Variants in OTOF observed in about 807,000 individuals in gnomAD.
OTOF encodes the protein otoferlin.
In OTOF, 218 loss-of-function variants were observed where a neutral mutation model predicts 236.8. That is an observed-to-expected ratio of 0.92 (90% CI 0.82 to 1.03). The LOEUF (loss-of-function observed/expected upper bound fraction) is 1.03. Ranked by LOEUF, OTOF falls within the 50% of genes least tolerant of loss-of-function variation. OTOF has a pLI of 0.00. For missense variants in OTOF, 2,590 were observed against 2,694.4 expected, an observed-to-expected ratio of 0.96 and a Z score of 0.86; for synonymous variants, 1,041 against 1,072.5, an observed-to-expected ratio of 0.97 and a Z score of 0.57.
chr2:26,461,907 C>T lies in OTOF; in HGVS notation c.5322G>A (p.Gln1774=), dbSNP rs762085694. Residue 1774 remains glutamine, a synonymous_variant, in exon 43 of 47, where the codon CAG becomes CAA. Transcript: ENST00000272371. This position sits in a 1 kb window ranked among gnomAD's most constrained non-coding sequence, Gnocchi z 6.2. ...GGGAGTGGTAGTGGACGTCTGTGTCCTGCTTGTCCTCCTGCTGGCCCTTCA... is the reference window on the plus strand; with the variant it reads ...GGGAGTGGTAGTGGACGTCTGTGTCTTGCTTGTCCTCCTGCTGGCCCTTCA... The part of the protein sequence containing the change: ...GWLKGQQEDK[Q]DTDVHYHSLT... 2 of 1,613,984 alleles carry T rather than the reference C, an allele frequency of 1.2e-6. No individual in the cohort carries two copies. Among genetic ancestry groups the T allele is most frequent in the African/African-American group, 1.3e-5 (1 of 74,880 alleles).
intron 8 of OTOF, among the ~76,000 whole-genome samples, chr2:26,500,376 C>T (rs572685095): frequency 8.5e-5 from 13 of 152,314 alleles, no homozygotes; most frequent in Non-Finnish European, 1.2e-4. Context: ...AATAATGACT[C>T]TATTTTTGAT....
In OTOF at chr2:26,479,326, A is replaced by G; in HGVS notation, c.2152T>C (p.Trp718Arg). The G allele has an allele frequency of 1.2e-6, 2 of 1,612,694 alleles. No homozygotes were observed. The highest frequency in any genetic ancestry group is 1.6e-4 in the Middle Eastern group (1 of 6,062). ...RKPCIYIKSW[W>R]PDQRRRLYNA... The stretch of plus-strand genomic sequence containing the variant: ...TAGAGGCGGCGGCGCTGGTCCGGCC[A>G]CCAGCTCTTGATGTAGATGCAGGGC... Residue 718 changes from tryptophan to arginine, a missense_variant, in exon 18 of 47, where the codon TGG becomes CGG. Transcript: ENST00000272371.
intron 29 of OTOF, 108 bp from the exon 30 acceptor site, chr2:26,472,757 T>C: frequency 8.5e-7 from 1 of 1,171,800 alleles, no homozygotes; most frequent in Non-Finnish European, 1.2e-6. Context: ...TGGAACTTTC[T>C]GAGGGAGAGG....
intron 18 of OTOF, among the ~76,000 whole-genome samples, chr2:26,478,824 G>A (rs371765558): frequency 1.4e-4 from 22 of 152,252 alleles, no homozygotes; most frequent in African/African-American, 4.8e-4. Context: ...TCAGCCTCCC[G>A]AATAGCTGGG....
chr2:26,470,972 T>C lies in OTOF; in HGVS notation c.3894+149A>G, dbSNP rs1664948811. ...ACCGAGTCCTGCACTCACCCAGCTCTTTTCCACTGCATCTTAGGGGAGGTG... is the reference window on the plus strand; with the variant it reads ...ACCGAGTCCTGCACTCACCCAGCTCCTTTCCACTGCATCTTAGGGGAGGTG... On this transcript the variant is annotated intron_variant, in intron 31 of 46. Coordinates refer to ENST00000272371, the MANE Select transcript of OTOF (RefSeq NM_194248.3). This position sits in a 1 kb window ranked among gnomAD's most constrained non-coding sequence, Gnocchi z 4.3. 1.7e-6 allele frequency: 2 copies of C among 1,166,528 alleles called. No individual in the cohort carries two copies. The highest frequency in any genetic ancestry group is 1.8e-5 in the Admixed American group (1 of 55,686). The allele number at this position is 1,166,528 out of a possible 1,614,324, so 72.3% of individuals were successfully genotyped here.
At chr2:26,468,682 G>A (rs1483579222) in intron 32 of OTOF, among the ~76,000 whole-genome samples, 1 of 152,182 alleles carries the variant, frequency 6.6e-6, no homozygotes, top group Non-Finnish European at 1.5e-5. Context: ...AGGGGTTTAT[G>A]CATCTGTGGC....
intron 8 of OTOF, among the ~76,000 whole-genome samples, chr2:26,495,929 G>A (rs1012376837): frequency 5.9e-5 from 9 of 152,184 alleles, no homozygotes; most frequent in Non-Finnish European, 7.3e-5. Context: ...CCTCTGATAC[G>A]TCTTTGCATT....
rs758884893 is a variant in OTOF, at chr2:26,461,000, G to A, written c.5564C>T (p.Pro1855Leu). 11 of 1,613,332 alleles carry A rather than the reference G, an allele frequency of 6.8e-6. No homozygotes were observed. The highest frequency in any genetic ancestry group is 4.0e-5 in the African/African-American group (3 of 74,820). Residue 1855 changes from proline (P) to leucine (L), a missense_variant, in exon 44 of 47, where the codon CCG becomes CTG. Around this residue, in one of 2 missense-constraint regions of OTOF, gnomAD observed 1,211 missense variants for 1,352.8 expected, o/e 0.90. Transcript: ENST00000272371. This position sits in a 1 kb window ranked among gnomAD's most constrained non-coding sequence, Gnocchi z 5.3. ...CTGCTTGGCTGTCTTTGCGCCCCGC[G>A]GGAACCGGTTCAGGTCCAGCTCGAT... ...GAIELDLNRF[P>L]RGAKTAKQCT...
intron 8 of OTOF, among the ~76,000 whole-genome samples, chr2:26,500,921 C>T (rs1006901568): frequency 6.6e-6 from 1 of 152,150 alleles, no homozygotes; most frequent in African/African-American, 2.4e-5. Context: ...TGCTGATACC[C>T]AGACCGAACA....
chr2:26,540,429 A>T (rs549124675), intron 1 of OTOF, among the ~76,000 whole-genome samples: 1 of 152,290 alleles, frequency 6.6e-6, no homozygotes, highest in African/African-American at 2.4e-5. Context: ...CCAAGGAGGT[A>T]CTGGAGGGGT....
chr2:26,502,335 T>C lies in OTOF; in HGVS notation c.675A>G (p.Ser225=). The change falls in exon 7 of 47, where the codon TCA becomes TCG. Residue 225 remains serine, a synonymous_variant. Coordinates refer to ENST00000272371, the MANE Select transcript of OTOF (RefSeq NM_194248.3). Reference sequence around the variant, plus strand: ...AGACATTAGTGGTGAGAGCTGTGACTGAGGCTAGAGACACCGAGTCGGGAT... The same window carrying C: ...AGACATTAGTGGTGAGAGCTGTGACCGAGGCTAGAGACACCGAGTCGGGAT... The part of the protein sequence containing the change: ...GLDPDSVSLA[S]VTALTTNVSN... The C allele has an allele frequency of 6.2e-7, 1 of 1,614,116 alleles. No homozygotes were observed. Among genetic ancestry groups the C allele is most frequent in the Non-Finnish European group, 8.5e-7 (1 of 1,180,018 alleles).
intron 1 of OTOF, among the ~76,000 whole-genome samples, chr2:26,540,232 G>T (rs1164534429): frequency 6.6e-6 from 1 of 152,180 alleles, no homozygotes; most frequent in African/African-American, 2.4e-5. Flanking sequence ...GCGCCCAGCC[G>T]AAAGACGAAT....
chr2:26,505,750 C>A (rs1288631107), intron 5 of OTOF, among the ~76,000 whole-genome samples: 1 of 152,220 alleles, frequency 6.6e-6, no homozygotes, highest in African/African-American at 2.4e-5. Flanking sequence ...GGGCAAGAAT[C>A]CCATCCATTC....
intron 5 of OTOF, among the ~76,000 whole-genome samples, chr2:26,511,951 G>A (rs965739396): frequency 1.3e-5 from 2 of 152,168 alleles, no homozygotes; most frequent in Non-Finnish European, 2.9e-5. Flanking sequence ...CCCACTCTCT[G>A]CCCCTCTGTC....
intron 2 of OTOF, among the ~76,000 whole-genome samples, chr2:26,532,753 G>A (rs1666980493): frequency 6.6e-6 from 1 of 152,158 alleles, no homozygotes; most frequent in Admixed American, 6.5e-5. Flanking sequence ...GACCTGGCTG[G>A]TGCTGGCCGG....
rs1160959920 is a variant in OTOF at position 26,461,871 on chromosome 2, C to T, written c.5358G>A (p.Glu1786=). 2 of 1,614,076 alleles carry T rather than the reference C, an allele frequency of 1.2e-6. No homozygotes were observed. The highest frequency in any genetic ancestry group is 1.7e-6 in the Non-Finnish European group (2 of 1,180,036). ...ACAGGTAGCGCCAGTTGAAGTTGCC[C>T]TCGCCAGTGAGGGAGTGGTAGTGGA... The part of the protein sequence containing the change: ...TDVHYHSLTG[E]GNFNWRYLFP... The change falls in exon 43 of 47, where the codon GAG becomes GAA. Residue 1786 remains glutamate (E), a synonymous_variant. Transcript: ENST00000272371. This position sits in a 1 kb window ranked among gnomAD's most constrained non-coding sequence, Gnocchi z 6.2.
intron 31 of OTOF, 39 bp downstream of exon 31, chr2:26,471,082 C>G: frequency 6.2e-7 from 1 of 1,612,182 alleles, no homozygotes; most frequent in Non-Finnish European, 8.5e-7. Flanking sequence ...AATAAAGGAC[C>G]CTCTCACCCC....
intron 1 of OTOF, among the ~76,000 whole-genome samples, chr2:26,541,856 G>A (rs1340115613): frequency 1.3e-5 from 2 of 152,206 alleles, no homozygotes; most frequent in South Asian, 2.1e-4. Context: ...GTTGTGGATC[G>A]AGTGAGAAGG....
At position 26,466,721 on chromosome 2, in the gene OTOF, A is replaced by C. The variant is rs752201516; in HGVS notation, c.4493T>G (p.Val1498Gly). 6.2e-6 allele frequency: 10 copies of C among 1,614,218 alleles called. No individual in the cohort carries two copies. The South Asian group carries it at 8.8e-5, about 14-fold the overall frequency. Residue 1498 changes from valine (V) to glycine (G), a missense_variant, in exon 36 of 47, where the codon GTG becomes GGG. Val to Gly is a moderately radical substitution (Grantham distance 109, BLOSUM62 -3). Around this residue, in one of 2 missense-constraint regions of OTOF, gnomAD observed 1,211 missense variants for 1,352.8 expected, o/e 0.90. Transcript: ENST00000272371. The part of the protein sequence containing the change: ...DPINVLVRVY[V>G]VRATDLHPAD... The stretch of plus-strand genomic sequence containing the variant: ...AAGCGACGGGAGTCTCACCCGGACC[A>C]CATAGACTCGGACCAGCACATTGAT...
Sources: gnomAD v4.1 joint callset for allele counts (sites outside exome capture counted in the v4.1 genomes callset) on GRCh38, gnomAD v4.1.1 for gene constraint, gnomAD v4.1.1 regional missense constraint, Gnocchi (gnomAD v3.1) non-coding constraint, MANE v1.5 for transcripts, NCBI Gene and HGNC (gene_info 2026-07-23, HGNC 2026-07-21) for gene names.